The following SPSB1 variants were observed in gnomAD, a reference collection of about 807,000 sequenced individuals.
SPSB1 encodes SPRY domain-containing SOCS box protein 1.
Under a neutral mutation model 21.2 loss-of-function variants are expected in SPSB1, and 8 were observed. The ratio of observed to expected loss-of-function variants is 0.38; its 90% CI spans 0.22 to 0.68. SPSB1 has a LOEUF of 0.68. Ranked by LOEUF, SPSB1 falls within the 30% of genes least tolerant of loss-of-function variation. The pLI, the probability that SPSB1 is intolerant of heterozygous loss-of-function variation, is 0.53. For synonymous variants in SPSB1, 169 were observed against 161.7 expected, an observed-to-expected ratio of 1.05 and a Z score of -0.34; for missense variants, 242 against 377.8, an observed-to-expected ratio of 0.64 and a Z score of 2.98.
intron 2 of SPSB1, among the ~76,000 whole-genome samples, chr1:9,359,921 G>A (rs889612079): frequency 1.3e-5 from 2 of 152,108 alleles, no homozygotes; most frequent in African/African-American, 4.8e-5. Context: ...CGGATGTGAC[G>A]AGAAAGGGAA....
intron 1 of SPSB1, among the ~76,000 whole-genome samples, chr1:9,319,725 AG>A (rs1639681294): frequency 6.6e-6 from 1 of 152,142 alleles, no homozygotes; most frequent in South Asian, 2.1e-4. Context: ...CAGCCCCCAA[AG>A]GTCCGCTGTA....
At chr1:9,322,874 A>G (rs1165978443) in intron 1 of SPSB1, among the ~76,000 whole-genome samples, 1 of 78,682 alleles carries the variant, frequency 1.3e-5, no homozygotes, top group Admixed American at 1.2e-4. Flanking sequence ...CACCCACCCC[A>G]CCCGCCCGGA....
chr1:9,338,652 C>G (rs538622909), intron 1 of SPSB1, among the ~76,000 whole-genome samples: 1 of 152,272 alleles, frequency 6.6e-6, no homozygotes, highest in Non-Finnish European at 1.5e-5. Context: ...GGAAGGGAAT[C>G]GTGCTGGCTT....
In SPSB1 at chr1:9,348,997, G is replaced by C. The variant is rs1264853866; in HGVS notation, c.-149-6746G>C. 6.6e-6 allele frequency among the ~76,000 whole-genome samples: 1 copy of C among 152,146 alleles called. No individual in the cohort carries two copies. Among genetic ancestry groups the C allele is most frequent in the African/African-American group, 2.4e-5 (1 of 41,434 alleles). ...CGTGTGTGCACGTGCATGTGTGTGT[G>C]TAGTGGTGGGGTATTCCTCCCACTG... On this transcript the variant is annotated intron_variant, in intron 1 of 2. Transcript: ENST00000328089. This position sits in a 1 kb window ranked among gnomAD's most constrained non-coding sequence, Gnocchi z 4.8.
chr1:9,296,248 C>G (rs1639223531), intron 1 of SPSB1, among the ~76,000 whole-genome samples: 1 of 152,078 alleles, frequency 6.6e-6, no homozygotes, highest in South Asian at 2.1e-4. Flanking sequence ...TCCTGAGGAC[C>G]CTGAGAAGTG....
Position 9,355,868 on chromosome 1 carries a change from A to T in SPSB1, c.-24A>T. On this transcript the variant is annotated 5_prime_UTR_variant, in exon 2 of 3. Coordinates refer to ENST00000328089, the MANE Select transcript of SPSB1 (RefSeq NM_025106.4). ...TGATGAGTTTGCCTTGGGAGTCGGT[A>T]AGAAGGTGAAGCCAGGGGCGAACAT... 2 of 1,526,302 alleles carry T rather than the reference A, an allele frequency of 1.3e-6. No homozygotes were observed. Among genetic ancestry groups the T allele is most frequent in the East Asian group, 2.3e-5 (1 of 43,878 alleles). 94.5% of individuals were successfully genotyped at this position (1,526,302 alleles called of 1,614,324 possible).
intron 1 of SPSB1, among the ~76,000 whole-genome samples, chr1:9,347,542 A>G (rs1004204816): frequency 1.3e-5 from 2 of 152,254 alleles, no homozygotes; most frequent in African/African-American, 4.8e-5. Flanking sequence ...ATAGGCGCAG[A>G]GAGAATCTTT....
intron 1 of SPSB1, among the ~76,000 whole-genome samples, chr1:9,312,548 C>A (rs1569578996): frequency 6.6e-6 from 1 of 152,182 alleles, no homozygotes; most frequent in African/African-American, 2.4e-5. Flanking sequence ...CTCCCTACCT[C>A]AGCATGCTGT....
intron 1 of SPSB1, among the ~76,000 whole-genome samples, chr1:9,299,414 G>C (rs1474577598): frequency 1.3e-5 from 2 of 152,200 alleles, no homozygotes; most frequent in Non-Finnish European, 2.9e-5. Context: ...CGAGGCAGGA[G>C]GATCGCTTGA....
At chr1:9,338,665 C>T (rs1300945280) in intron 1 of SPSB1, among the ~76,000 whole-genome samples, 1 of 152,260 alleles carries the variant, frequency 6.6e-6, no homozygotes, top group African/African-American at 2.4e-5. Context: ...GCTGGCTTCA[C>T]CTTTGAGTCT....
intron 2 of SPSB1, among the ~76,000 whole-genome samples, chr1:9,359,559 G>A (rs555912128): frequency 5.9e-5 from 9 of 152,018 alleles, no homozygotes; most frequent in South Asian, 2.1e-4. Context: ...AAAATTAGCC[G>A]GGCGTGGTGG....
chr1:9,295,969 A>G (rs1166689686), intron 1 of SPSB1, among the ~76,000 whole-genome samples: 1 of 151,994 alleles, frequency 6.6e-6, no homozygotes, highest in African/African-American at 2.4e-5. Context: ...CCCAGCCCTC[A>G]ACACTAGATC....
intron 1 of SPSB1, among the ~76,000 whole-genome samples, chr1:9,308,020 C>G (rs1639450773): frequency 6.6e-6 from 1 of 152,162 alleles, no homozygotes. Context: ...GGAGCTGTTT[C>G]CAGGATTGGT....
intron 1 of SPSB1, among the ~76,000 whole-genome samples, chr1:9,329,283 T>C (rs1473582492): frequency 6.6e-6 from 1 of 151,794 alleles, no homozygotes; most frequent in Non-Finnish European, 1.5e-5. Flanking sequence ...AGATCCCGGA[T>C]GGGTGGATGG....
chr1:9,339,659 G>A lies in SPSB1; in HGVS notation c.-149-16084G>A, dbSNP rs568259382. Among the ~76,000 whole-genome samples, 34 of 152,316 alleles carry A rather than the reference G, an allele frequency of 2.2e-4. No individual in the cohort carries two copies. In the South Asian group the frequency reaches 4.3e-3, roughly 19 times the overall value. The stretch of plus-strand genomic sequence containing the variant: ...GCTGAGAGGGCCTGTCAGGGGCTTG[G>A]AAGGTGGAGAGCAGGGACCCTGTGA... On this transcript the variant is annotated intron_variant, in intron 1 of 2. Transcript: ENST00000328089.
chr1:9,331,038 G>C (rs1246519212), intron 1 of SPSB1, among the ~76,000 whole-genome samples: 1 of 152,080 alleles, frequency 6.6e-6, no homozygotes, highest in Non-Finnish European at 1.5e-5. Context: ...CTGTATGTCT[G>C]CATCTTTGGG....
At chr1:9,298,846 C>T (rs1195205422) in intron 1 of SPSB1, among the ~76,000 whole-genome samples, 3 of 152,242 alleles carry the variant, frequency 2.0e-5, no homozygotes, top group African/African-American at 7.2e-5. Flanking sequence ...AATCCACACA[C>T]TGGTTCCCTG....
intron 1 of SPSB1, among the ~76,000 whole-genome samples, chr1:9,310,941 GT>G (rs932231610): frequency 1.3e-5 from 2 of 152,078 alleles, no homozygotes; most frequent in African/African-American, 4.8e-5. Context: ...ACATGTCAGG[GT>G]TCTTCTAAAA....
intron 1 of SPSB1, among the ~76,000 whole-genome samples, chr1:9,310,849 T>C (rs1006073476): frequency 2.0e-5 from 3 of 152,182 alleles, no homozygotes; most frequent in Non-Finnish European, 4.4e-5. Flanking sequence ...TTGCCTTGCA[T>C]TTATGAAGCT....
Sources: allele counts gnomAD v4.1 joint callset (sites outside exome capture counted in the v4.1 genomes callset), GRCh38; gene constraint gnomAD v4.1.1; non-coding constraint Gnocchi (gnomAD v3.1); transcripts MANE v1.5; gene names NCBI Gene and HGNC (gene_info 2026-07-23, HGNC 2026-07-21).